SOX5: variants seen among roughly 807,000 people sequenced by gnomAD.
The protein encoded by SOX5 is SRY-box transcription factor 5, also known as transcription factor SOX-5.
Under a neutral mutation model 92.0 loss-of-function variants are expected in SOX5, and 9 were observed. That is an observed-to-expected ratio of 0.10 (90% confidence interval 0.06 to 0.17). The LOEUF (loss-of-function observed/expected upper bound fraction) is 0.17. Ranked by LOEUF, SOX5 falls within the 10% of genes least tolerant of loss-of-function variation. SOX5 has a pLI of 1.00. For synonymous variants in SOX5, 344 were observed against 336.3 expected (o/e 1.02, Z -0.25); for missense variants, 642 against 944.5 (o/e 0.68, Z 4.20).
chr12:23,953,158 G>A (rs549046968), upstream of SOX5, among the ~76,000 whole-genome samples: 1 of 152,170 alleles, frequency 6.6e-6, no homozygotes, highest in Non-Finnish European at 1.5e-5. Flanking sequence ...TAGCATTTCT[G>A]TCAGACTTTA....
intron 8 of SOX5, among the ~76,000 whole-genome samples, chr12:23,621,747 T>C (rs2077208150): frequency 6.6e-6 from 1 of 152,018 alleles, no homozygotes; most frequent in Non-Finnish European, 1.5e-5. Flanking sequence ...ATCAACCAAA[T>C]CCAGTAATGC....
intron 3 of SOX5, among the ~76,000 whole-genome samples, chr12:23,784,379 C>A (rs558872906): frequency 1.3e-5 from 2 of 151,936 alleles, no homozygotes; most frequent in Non-Finnish European, 2.9e-5. Flanking sequence ...CAGGCTGGAG[C>A]GCAGTGGCAT....
In SOX5 at chr12:23,548,363, C is replaced by A. The variant is rs778644890; in HGVS notation, c.1489-1939G>T. On this transcript the variant is annotated intron_variant, in intron 11 of 14. Transcript: ENST00000451604. The stretch of plus-strand genomic sequence containing the variant: ...ACACTCAGTTTTTACAATAAGTAAC[C>A]TATAATTATCCACCACTAATGCACC... Among the ~76,000 whole-genome samples the A allele has an allele frequency of 2.0e-5, 3 of 151,954 alleles. No homozygotes were observed. The South Asian group carries it at 6.2e-4, about 31-fold the overall frequency.
chr12:23,607,262 A>G (rs73091311), intron 8 of SOX5, among the ~76,000 whole-genome samples: 12,047 of 152,258 alleles, frequency 0.079, 646 homozygotes, highest in Non-Finnish European at 0.11. Context: ...ATGTTTTCCT[A>G]AAAGTTATAT....
chr12:23,950,646 C>T (rs7297174), upstream of SOX5, among the ~76,000 whole-genome samples: 91,229 of 152,004 alleles, frequency 0.6, 28,209 homozygotes, highest in Non-Finnish European at 0.69. Flanking sequence ...TAGGAAGCGC[C>T]CCCCTGGCTG....
intron 2 of SOX5, among the ~76,000 whole-genome samples, chr12:24,298,357 C>T (rs1342511434): frequency 2.0e-5 from 3 of 152,164 alleles, no homozygotes; most frequent in Non-Finnish European, 2.9e-5. Context: ...GCGTGAGCCA[C>T]CATGCCCAGC....
rs560736446 is a variant in SOX5, at chr12:24,110,760, G to T, written c.-2+102583C>A. On this transcript the variant is annotated intron_variant, in intron 4 of 4. Transcript: ENST00000446891. ...AAATAAAATTTAAAAAATTAGCTGG[G>T]CATAGTGGCAGGCGCCTGTAGGCCC... Among the ~76,000 whole-genome samples, 3 of 151,584 alleles carry T rather than the reference G, an allele frequency of 2.0e-5. No individual in the cohort carries two copies. In the East Asian group the frequency reaches 5.8e-4, roughly 29 times the overall value.
intron 6 of SOX5, among the ~76,000 whole-genome samples, chr12:23,717,304 G>A (rs1402931997): frequency 6.6e-6 from 1 of 152,088 alleles, no homozygotes; most frequent in African/African-American, 2.4e-5. Flanking sequence ...AAATATTCCA[G>A]TTGTGTTGGT....
At chr12:23,705,671 T>G (rs541780778) in intron 6 of SOX5, among the ~76,000 whole-genome samples, 11 of 152,206 alleles carry the variant, frequency 7.2e-5, no homozygotes, top group Non-Finnish European at 1.5e-4. Flanking sequence ...CAAACCACCT[T>G]AACTGTGGCT....
Position 23,788,241 on chromosome 12 carries a change from G to C in SOX5, c.482-32517C>G, listed in dbSNP as rs189898327. Among the ~76,000 whole-genome samples the C allele has an allele frequency of 4.2e-3, 638 of 152,078 alleles. 2 individuals are homozygous for C. Among genetic ancestry groups the C allele is most frequent in the Non-Finnish European group, 6.8e-3 (463 of 67,852 alleles). ...AATGAGTAGAAGGATTCAGGTCAGA[G>C]AGTAGCAAATGTAAACCTAAGGTTT... On this transcript the variant is annotated intron_variant, in intron 3 of 14. Transcript: ENST00000451604.
At chr12:24,131,611 C>T (rs1949653964) in intron 4 of SOX5, among the ~76,000 whole-genome samples, 1 of 152,116 alleles carries the variant, frequency 6.6e-6, no homozygotes, top group East Asian at 1.9e-4. Context: ...TATAATCTCA[C>T]TGTAAGAATA....
At chr12:24,270,101 G>A (rs543148149) in intron 3 of SOX5, among the ~76,000 whole-genome samples, 75 of 151,430 alleles carry the variant, frequency 5.0e-4, no homozygotes, top group Non-Finnish European at 8.5e-4. Context: ...TCACTTTGTC[G>A]TCCAGGCTGG....
chr12:24,271,425 C>T (rs1192047032), intron 3 of SOX5, among the ~76,000 whole-genome samples: 1 of 152,184 alleles, frequency 6.6e-6, no homozygotes, highest in Non-Finnish European at 1.5e-5. Flanking sequence ...GAATACCAAC[C>T]TTGTCAATGA....
At chr12:23,690,378 A>C (rs1006944899) in intron 6 of SOX5, among the ~76,000 whole-genome samples, 1 of 152,180 alleles carries the variant, frequency 6.6e-6, no homozygotes, top group African/African-American at 2.4e-5. Context: ...TATTCACACA[A>C]TAGTACAACC....
chr12:24,177,250 A>G (rs1954925108), intron 4 of SOX5, among the ~76,000 whole-genome samples: 1 of 152,168 alleles, frequency 6.6e-6, no homozygotes. Flanking sequence ...AGGGTAGAAA[A>G]CTTGCTTAAG....
At chr12:23,755,805 A>C (rs1247911993) in intron 3 of SOX5, 81 bp from the exon 4 acceptor site, 1 of 894,368 alleles carries the variant, frequency 1.1e-6, no homozygotes, top group Non-Finnish European at 1.7e-6. Flanking sequence ...TCTGCTAAAA[A>C]TAAGGCCATC....
At chr12:23,734,514 A>AAATTCAAATACTTACAATTT (rs2093514128) in intron 6 of SOX5, among the ~76,000 whole-genome samples, 170 bp downstream of exon 6, 1 of 152,228 alleles carries the variant, frequency 6.6e-6, no homozygotes, top group East Asian at 1.9e-4. Context: ...TAGGGCCTGT[A>AAATTCAAATACTTACAATTT]GACTGACCAG....
intron 4 of SOX5, among the ~76,000 whole-genome samples, chr12:23,967,840 T>C (rs551907544): frequency 2.0e-5 from 3 of 152,162 alleles, no homozygotes; most frequent in Non-Finnish European, 4.4e-5. Flanking sequence ...AATAGAAAAT[T>C]TTTGAAGAAT....
chr12:23,720,278 A>T (rs1019207992), intron 6 of SOX5, among the ~76,000 whole-genome samples: 1 of 152,220 alleles, frequency 6.6e-6, no homozygotes, highest in East Asian at 1.9e-4. Flanking sequence ...ACTGTGAATG[A>T]GCAGTATTTT....
Sources: gnomAD v4.1 joint callset for allele counts (sites outside exome capture counted in the v4.1 genomes callset) on GRCh38, gnomAD v4.1.1 for gene constraint, MANE v1.5 for transcripts, NCBI Gene and HGNC (gene_info 2026-07-23, HGNC 2026-07-21) for gene names.